Variants in PRR27 observed in about 807,000 individuals in gnomAD.
PRR27 encodes the protein proline-rich protein 27.
PRR27 carries 12 observed loss-of-function variants against 16.8 expected under a neutral mutation model. The ratio of observed to expected loss-of-function variants is 0.71; its 90% CI spans 0.46 to 1.16. The LOEUF (loss-of-function observed/expected upper bound fraction) is 1.16, where lower values mean the gene tolerates loss of function less well. Among genes scored for constraint, PRR27 ranks in the 50% most tolerant of loss-of-function variants. PRR27 has a pLI of 0.00. For missense variants in PRR27, 277 were observed against 273.3 expected (o/e 1.01, Z -0.10); for synonymous variants, 100 against 98.4 (o/e 1.02, Z -0.10).
rs12647370 is a variant in PRR27 at position 70,163,427 on chromosome 4, C to A, written c.*766C>A. On this transcript the variant is annotated 3_prime_UTR_variant, in exon 5 of 5. Transcript: ENST00000344526. ...CTCCCGGGTTCAAGTGATTCTCCTG[C>A]CTCAGCCTCCTGAGTAGCCGGGATT... 0.3 allele frequency: 45,704 copies of A among 151,524 alleles called. 7,501 individuals are homozygous for A. The highest frequency in any genetic ancestry group is 0.37 in the East Asian group (1,878 of 5,082). 9.4% of individuals were successfully genotyped at this position (151,524 alleles called of 1,614,324 possible).
At position 70,158,347 on chromosome 4, in the gene PRR27, A is replaced by G. The variant is rs762485479; in HGVS notation, c.95A>G (p.His32Arg). Reference sequence around the variant, plus strand: ...CTTTAGGATGACAATGACGATGGTCACCCACTTCATCCATCTCTGAATATT... The same window carrying G: ...CTTTAGGATGACAATGACGATGGTCGCCCACTTCATCCATCTCTGAATATT... ...FIGEDDNDDG[H>R]PLHPSLNIPY... The change falls in exon 3 of 5, where the codon CAC becomes CGC. Residue 32 changes from histidine to arginine, a missense_variant. Transcript: ENST00000344526. 1.5e-5 allele frequency: 24 copies of G among 1,602,066 alleles called. No individual in the cohort carries two copies. In the South Asian group the frequency reaches 2.6e-4, roughly 18 times the overall value.
chr4:70,161,179 T>TATATATATATATATATATATATATAC (rs527588905), intron 3 of PRR27, among the ~76,000 whole-genome samples: 4 of 107,674 alleles, frequency 3.7e-5, no homozygotes, highest in African/African-American at 1.4e-4. Flanking sequence ...TATATATATA[T>TATATATATATATATATATATATATAC]ACACACATAC....
In PRR27 at chr4:70,166,267, A is replaced by G. The variant is rs1248703391; in HGVS notation, c.*3606A>G. ...ATTATGCTATAGAACTTATAGACTA[A>G]TTTAAGTTAATTATAGGCCTTATCT... On this transcript the variant is annotated 3_prime_UTR_variant, in exon 5 of 5. Coordinates refer to ENST00000344526, the MANE Select transcript of PRR27 (RefSeq NM_214711.4). The G allele has an allele frequency of 6.6e-6, 1 of 152,058 alleles. No individual in the cohort carries two copies. Among genetic ancestry groups the G allele is most frequent in the Non-Finnish European group, 1.5e-5 (1 of 67,948 alleles). The allele number at this position is 152,058 out of a possible 1,614,324, so 9.4% of individuals were successfully genotyped here. A position where few individuals can be genotyped will look rare whatever the true frequency, so the allele number is the denominator to read the frequency against.
chr4:70,159,296 A>C (rs549774344), intron 3 of PRR27, among the ~76,000 whole-genome samples: 1 of 152,232 alleles, frequency 6.6e-6, no homozygotes, highest in South Asian at 2.1e-4. Context: ...ACTTTTAGAG[A>C]TTTATCCATG....
rs775514907 is a variant in PRR27 at position 70,158,688 on chromosome 4, G to A, written c.436G>A (p.Ala146Thr). 1 of 1,613,722 alleles carries A rather than the reference G, an allele frequency of 6.2e-7. No homozygotes were observed. Among genetic ancestry groups the A allele is most frequent in the East Asian group, 2.2e-5 (1 of 44,842 alleles). The change falls in exon 3 of 5, where the codon GCT (alanine) becomes ACT (threonine). Residue 146 changes from alanine to threonine, a missense_variant. Transcript: ENST00000344526. ...AAPLTATPVA[A>T]EPAAGAPVAA... Reference sequence around the variant, plus strand: ...ACCTCTTACAGCCACACCTGTAGCAGCTGAGCCTGCTGCAGGGGCCCCTGT... The same window carrying A: ...ACCTCTTACAGCCACACCTGTAGCAACTGAGCCTGCTGCAGGGGCCCCTGT...
chr4:70,159,601 A>C (rs564645258), intron 3 of PRR27, among the ~76,000 whole-genome samples: 7 of 152,152 alleles, frequency 4.6e-5, no homozygotes, highest in Non-Finnish European at 8.8e-5. Flanking sequence ...CCTCCTCCTG[A>C]GGCCATGTAT....
chr4:70,157,603 C>T (rs1027486766), intron 2 of PRR27, among the ~76,000 whole-genome samples: 2 of 152,050 alleles, frequency 1.3e-5, no homozygotes, highest in African/African-American at 4.8e-5. Flanking sequence ...ACTGCAACCT[C>T]TGCCTTCCAG....
rs558488121 is a variant in PRR27 at position 70,158,679 on chromosome 4, C to T, written c.427C>T (p.Pro143Ser). 4.3e-6 allele frequency: 7 copies of T among 1,614,068 alleles called. No homozygotes were observed. The East Asian group carries it at 1.6e-4, about 36-fold the overall frequency. The stretch of plus-strand genomic sequence containing the variant: ...TGCAGCTGCACCTCTTACAGCCACA[C>T]CTGTAGCAGCTGAGCCTGCTGCAGG... ...PAAAAPLTAT[P>S]VAAEPAAGAP... Residue 143 changes from proline (P) to serine (S), a missense_variant, in exon 3 of 5, where the codon CCT becomes TCT. By Grantham distance (74) the Pro-to-Ser change is moderately conservative. Coordinates refer to ENST00000344526, the MANE Select transcript of PRR27 (RefSeq NM_214711.4).
rs183106895 is a variant in PRR27, at chr4:70,163,799, A to C, written c.*1138A>C. 3.3e-5 allele frequency: 5 copies of C among 152,246 alleles called. No homozygotes were observed. Among genetic ancestry groups the C allele is most frequent in the African/African-American group, 1.2e-4 (5 of 41,544 alleles). 9.4% of individuals were successfully genotyped at this position (152,246 alleles called of 1,614,324 possible). ...ATATTCTAAACACCTCTCCAAGGAC[A>C]CAAGACTTACCTTGTCTAACTAATG... is the stretch of plus-strand genomic sequence containing the variant. On this transcript the variant is annotated 3_prime_UTR_variant, in exon 5 of 5. Transcript: ENST00000344526.
Position 70,158,665 on chromosome 4 carries a change from C to T in PRR27, c.413C>T (p.Pro138Leu). 1 of 1,614,060 alleles carries T rather than the reference C, an allele frequency of 6.2e-7. No homozygotes were observed. Among genetic ancestry groups the T allele is most frequent in the Non-Finnish European group, 8.5e-7 (1 of 1,179,988 alleles). The change falls in exon 3 of 5, where the codon CCT (proline) becomes CTT (leucine). Residue 138 changes from proline to leucine, a missense_variant. Coordinates refer to ENST00000344526, the MANE Select transcript of PRR27 (RefSeq NM_214711.4). ...GCAGCTGAGCCTGCTGCAGCTGCAC[C>T]TCTTACAGCCACACCTGTAGCAGCT... is the stretch of plus-strand genomic sequence containing the variant. ...PIAAEPAAAAPLTATPVAAEP... is the reference protein window; with the variant it reads ...PIAAEPAAAALLTATPVAAEP...
intron 3 of PRR27, among the ~76,000 whole-genome samples, chr4:70,160,437 CTCTCTCTGTGTGTGTGTGTG>C (rs1404876384): frequency 1.3e-5 from 1 of 77,928 alleles, no homozygotes; most frequent in Non-Finnish European, 2.6e-5. Context: ...CTCTCTCTCT[CTCTCTCTGTGTGTGTGTGTG>C]TGTGTGTGTG....
Position 70,158,519 on chromosome 4 carries a change from C to T in PRR27, c.267C>T (p.His89=). ...LTSPGFPYVY[H]IRGFPLATQL... ...CTCCTGGATTCCCCTATGTCTATCACATCCGTGGTTTTCCCTTAGCTACTC... is the reference window on the plus strand; with the variant it reads ...CTCCTGGATTCCCCTATGTCTATCATATCCGTGGTTTTCCCTTAGCTACTC... The change falls in exon 3 of 5, where the codon CAC becomes CAT. Residue 89 remains histidine, a synonymous_variant. Transcript: ENST00000344526. The T allele has an allele frequency of 6.2e-7, 1 of 1,614,172 alleles. No homozygotes were observed. Among genetic ancestry groups the T allele is most frequent in the Non-Finnish European group, 8.5e-7 (1 of 1,180,010 alleles).
intron 3 of PRR27, among the ~76,000 whole-genome samples, chr4:70,159,186 A>G (rs1269386270): frequency 2.0e-5 from 3 of 152,074 alleles, no homozygotes; most frequent in Non-Finnish European, 4.4e-5. Flanking sequence ...CCATCCTCCC[A>G]TCCCTGGGCT....
intron 4 of PRR27, among the ~76,000 whole-genome samples, chr4:70,161,964 T>C (rs1371535295): frequency 6.6e-6 from 1 of 152,210 alleles, no homozygotes; most frequent in Admixed American, 6.5e-5. Flanking sequence ...GAAAGAGGCA[T>C]TGTTTAAGTT....
chr4:70,157,541 A>G (rs1028763990), intron 2 of PRR27, among the ~76,000 whole-genome samples: 1 of 151,690 alleles, frequency 6.6e-6, no homozygotes, highest in Non-Finnish European at 1.5e-5. Context: ...ATTTTTTGAG[A>G]CAGAGTCTCA....
rs1728701340 is a variant in PRR27, at chr4:70,163,869, C to T, written c.*1208C>T. ...CTATCATTCTCCATCTTGCCCCATG[C>T]TCCTCATGCAGCAGCTTTTTTTTTT... is the stretch of plus-strand genomic sequence containing the variant. On this transcript the variant is annotated 3_prime_UTR_variant, in exon 5 of 5. Coordinates refer to ENST00000344526, the MANE Select transcript of PRR27 (RefSeq NM_214711.4). 1 of 150,548 alleles carries T rather than the reference C, an allele frequency of 6.6e-6. No homozygotes were observed. Among genetic ancestry groups the T allele is most frequent in the Non-Finnish European group, 1.5e-5 (1 of 67,830 alleles). The allele number at this position is 150,548 out of a possible 1,614,324, so 9.3% of individuals were successfully genotyped here. A position where few individuals can be genotyped will look rare whatever the true frequency, so the allele number is the denominator to read the frequency against.
chr4:70,162,410 C>T (rs767584787), intron 4 of PRR27, among the ~76,000 whole-genome samples: 27 of 152,230 alleles, frequency 1.8e-4, no homozygotes, highest in Non-Finnish European at 2.8e-4. Flanking sequence ...TTAGTTAAAC[C>T]TTGACTATTG....
chr4:70,156,198 A>T, intron 2 of PRR27, 121 bp downstream of exon 2: 1 of 490,462 alleles, frequency 2.0e-6, no homozygotes, highest in Non-Finnish European at 3.6e-6. Context: ...CTCTTAAAAT[A>T]ATAGTGCTAT....
rs199718034 is a variant in PRR27 at position 70,156,097 on chromosome 4, A to T, written c.75+20A>T. On this transcript the variant is annotated intron_variant, in intron 2 of 4. Coordinates refer to ENST00000344526, the MANE Select transcript of PRR27 (RefSeq NM_214711.4). ...GGTGAGGTAAAACTTTTTTTTCTTT[A>T]CACGCAAGTATATTTGTTTTTATCT... is the stretch of plus-strand genomic sequence containing the variant. The T allele has an allele frequency of 5.9e-4, 792 of 1,332,142 alleles. 3 individuals carry two copies. Among genetic ancestry groups the T allele is most frequent in the Middle Eastern group, 2.8e-3 (11 of 3,862 alleles). The allele number at this position is 1,332,142 out of a possible 1,614,324, so 82.5% of individuals were successfully genotyped here.
Sources: allele counts gnomAD v4.1 joint callset (sites outside exome capture counted in the v4.1 genomes callset), GRCh38; gene constraint gnomAD v4.1.1; transcripts MANE v1.5; gene names NCBI Gene and HGNC (gene_info 2026-07-23, HGNC 2026-07-21).